The following TBC1D32 variants were observed in gnomAD, a reference collection of about 807,000 sequenced individuals.
TBC1D32 encodes TBC1 domain family member 32, also known as protein broad-minded.
In TBC1D32, 151 loss-of-function variants were observed where a neutral mutation model predicts 170.3. The ratio of observed to expected loss-of-function variants is 0.89; its 90% CI spans 0.78 to 1.01. TBC1D32 has a LOEUF of 1.01. Ranked by LOEUF, TBC1D32 falls within the 50% of genes least tolerant of loss-of-function variation. The probability of loss-of-function intolerance (pLI) is 0.00; values close to 1 mark genes in which losing one functional copy is unlikely to be tolerated. For synonymous variants in TBC1D32, 498 were observed against 488.0 expected (o/e 1.02, Z -0.27); for missense variants, 1,464 against 1,457.1 (o/e 1.00, Z -0.08).
intron 24 of TBC1D32, among the ~76,000 whole-genome samples, chr6:121,133,694 T>C (rs1781698116): frequency 6.6e-6 from 1 of 152,054 alleles, no homozygotes; most frequent in South Asian, 2.1e-4. Flanking sequence ...AACACATGAA[T>C]ACACAGATAC....
At chr6:121,188,138 G>T (rs149754321) in intron 22 of TBC1D32, among the ~76,000 whole-genome samples, 2,183 of 152,182 alleles carry the variant, frequency 0.014, 13 homozygotes, top group Middle Eastern at 0.034. Flanking sequence ...CAAAACAAAG[G>T]AGATATTAAG....
At chr6:121,215,133 T>C (rs1793660877) in intron 21 of TBC1D32, among the ~76,000 whole-genome samples, 1 of 152,178 alleles carries the variant, frequency 6.6e-6, no homozygotes, top group Non-Finnish European at 1.5e-5. Context: ...AGTCTGGGGC[T>C]TTTATGGGCT....
chr6:121,255,308 CT>C lies in TBC1D32; in HGVS notation c.2018+19del. 7.0e-7 allele frequency: 1 copy of C among 1,437,626 alleles called. No individual in the cohort carries two copies. 89.1% of individuals were successfully genotyped at this position (1,437,626 alleles called of 1,614,324 possible). ...TTCAGCAAATATAATAAATGCATGA[CT>C]TTCATCAATTGTACTTACATGTTTT... is the stretch of plus-strand genomic sequence containing the variant. On this transcript the variant is annotated intron_variant, in intron 17 of 31. Transcript: ENST00000398212.
rs560771738 is a variant in TBC1D32 at position 121,297,500 on chromosome 6, C to T, written c.1140+1946G>A. ...CAGAAACCATTCCTTTAGGGGTTGA[C>T]TGAATCAAGATTCAAACTGTTAAAA... On this transcript the variant is annotated intron_variant, in intron 10 of 31. Coordinates refer to ENST00000398212, the MANE Select transcript of TBC1D32 (RefSeq NM_152730.6). Among the ~76,000 whole-genome samples, 17 of 152,142 alleles carry T rather than the reference C, an allele frequency of 1.1e-4. 2 individuals carry two copies. In the South Asian group the frequency reaches 3.3e-3, roughly 30 times the overall value.
chr6:121,133,341 T>C (rs187489943), intron 24 of TBC1D32, among the ~76,000 whole-genome samples: 1 of 152,132 alleles, frequency 6.6e-6, no homozygotes, highest in African/African-American at 2.4e-5. Flanking sequence ...CAGCCCAATT[T>C]TTATAAAATT....
At chr6:121,248,825 C>G (rs1189960834) in intron 17 of TBC1D32, among the ~76,000 whole-genome samples, 2 of 150,806 alleles carry the variant, frequency 1.3e-5, no homozygotes, top group Non-Finnish European at 3.0e-5. Flanking sequence ...AAACTGCCAA[C>G]AGAAAAAAGT....
At chr6:121,122,765 C>CAA (rs1158956799) in intron 26 of TBC1D32, among the ~76,000 whole-genome samples, 2 of 152,010 alleles carry the variant, frequency 1.3e-5, no homozygotes, top group Non-Finnish European at 2.9e-5. Context: ...CTTTTTCTGT[C>CAA]ACAGTGTCAG....
chr6:121,162,687 CAA>C (rs776053112), intron 22 of TBC1D32, among the ~76,000 whole-genome samples: 4 of 152,148 alleles, frequency 2.6e-5, no homozygotes, highest in East Asian at 1.9e-4. Context: ...AGCTGACAAG[CAA>C]AGTCTCAGGA....
chr6:121,178,525 G>T (rs1788074065), intron 22 of TBC1D32, among the ~76,000 whole-genome samples: 1 of 152,064 alleles, frequency 6.6e-6, no homozygotes, highest in Non-Finnish European at 1.5e-5. Context: ...TTAAAACAGG[G>T]TATTCCTAGG....
chr6:121,149,340 T>C (rs551472767), intron 24 of TBC1D32, among the ~76,000 whole-genome samples: 2 of 152,310 alleles, frequency 1.3e-5, no homozygotes, highest in Non-Finnish European at 2.9e-5. Flanking sequence ...CCCATGTCTA[T>C]GTCCTGAATG....
At chr6:121,143,074 CATT>C (rs1449183737) in intron 24 of TBC1D32, among the ~76,000 whole-genome samples, 2 of 152,136 alleles carry the variant, frequency 1.3e-5, no homozygotes, top group Non-Finnish European at 2.9e-5. Flanking sequence ...CTAGCTATAA[CATT>C]AGTACCATAA....
intron 30 of TBC1D32, among the ~76,000 whole-genome samples, chr6:121,102,036 G>A (rs1285048518): frequency 6.6e-6 from 1 of 152,152 alleles, no homozygotes; most frequent in Admixed American, 6.6e-5. Flanking sequence ...TACAAGAGAT[G>A]TGAAGGACCT....
chr6:121,089,447 T>A (rs142568941), intron 31 of TBC1D32, among the ~76,000 whole-genome samples: 1 of 152,168 alleles, frequency 6.6e-6, no homozygotes, highest in African/African-American at 2.4e-5. Flanking sequence ...CTGACCACTA[T>A]AGATGATGAA....
At chr6:121,088,591 A>G (rs1776489430) in intron 31 of TBC1D32, among the ~76,000 whole-genome samples, 1 of 152,196 alleles carries the variant, frequency 6.6e-6, no homozygotes, top group African/African-American at 2.4e-5. Flanking sequence ...AGTTTATCTC[A>G]CAAGAAAAAT....
In TBC1D32 at chr6:121,161,074, T is replaced by C. The variant is rs1311085805; in HGVS notation, c.2571-18A>G. 1 of 1,547,070 alleles carries C rather than the reference T, an allele frequency of 6.5e-7. No homozygotes were observed. The highest frequency in any genetic ancestry group is 8.9e-7 in the Non-Finnish European group (1 of 1,125,080). ...TAAAGTCCCTGAAAAAATAAATATA[T>C]CACCTTTGTCATCCTTTTGATTGAA... On this transcript the variant is annotated intron_variant, in intron 22 of 31. Transcript: ENST00000398212.
At chr6:121,296,871 G>C (rs769620598) in intron 10 of TBC1D32, among the ~76,000 whole-genome samples, 5 of 152,000 alleles carry the variant, frequency 3.3e-5, no homozygotes, top group African/African-American at 1.2e-4. Flanking sequence ...ACAAACAATA[G>C]TCCGCTTCTT....
intron 14 of TBC1D32, 29 bp from the exon 15 acceptor site, chr6:121,279,274 TCA>T: frequency 6.3e-7 from 1 of 1,594,008 alleles, no homozygotes; most frequent in Middle Eastern, 1.8e-4. Context: ...ACAAGACAAA[TCA>T]CATAATTTTA....
Position 121,321,004 on chromosome 6 carries a change from G to A in TBC1D32, c.317+629C>T, listed in dbSNP as rs74865950. On this transcript the variant is annotated intron_variant, in intron 2 of 31. Transcript: ENST00000398212. ...GTACCCTGAGATGCCAGGCAGGATA[G>A]GCTACCAGCAACTCTGAAGTGGAAT... Among the ~76,000 whole-genome samples the A allele has an allele frequency of 8.9e-3, 1,352 of 152,254 alleles. 25 individuals are homozygous for A. Among genetic ancestry groups the A allele is most frequent in the African/African-American group, 0.031 (1,278 of 41,552 alleles).
intron 24 of TBC1D32, among the ~76,000 whole-genome samples, chr6:121,141,234 GGAGA>G (rs1782744842): frequency 1.3e-5 from 2 of 152,120 alleles, no homozygotes; most frequent in African/African-American, 4.8e-5. Flanking sequence ...TAGATAAGGT[GGAGA>G]TAACTTCTCT....
Sources: gnomAD v4.1 joint callset for allele counts (sites outside exome capture counted in the v4.1 genomes callset) on GRCh38, gnomAD v4.1.1 for gene constraint, MANE v1.5 for transcripts, NCBI Gene and HGNC (gene_info 2026-07-23, HGNC 2026-07-21) for gene names.